The following SP110 variants were observed in gnomAD, a reference collection of about 807,000 sequenced individuals.
SP110 encodes the protein SP110 nuclear body protein.
A neutral mutation model predicts 92.7 loss-of-function variants in SP110; 62 were observed. That is an observed-to-expected ratio of 0.67 (90% CI 0.55 to 0.83). SP110 has a LOEUF of 0.83. Among genes scored for constraint, SP110 ranks in the 40% least tolerant of loss-of-function variants. The pLI is 0.00. For missense variants in SP110, 793 were observed against 863.9 expected (o/e 0.92, Z 1.03); for synonymous variants, 273 against 305.3 (o/e 0.89, Z 1.10).
intron 1 of SP110, chr2:230,225,420 C>A: frequency 3.2e-6 from 1 of 313,630 alleles, no homozygotes. Context: ...CATGGCCAGC[C>A]CTGGAGCCTG....
chr2:230,172,734 T>C, intron 15 of SP110, 110 bp downstream of exon 15: 2 of 717,628 alleles, frequency 2.8e-6, no homozygotes, highest in Non-Finnish European at 2.5e-6. Context: ...CCAGAGTCTC[T>C]GGCACCAGAC....
At chr2:230,186,937 C>T (rs2042389172) in intron 10 of SP110, among the ~76,000 whole-genome samples, 2 of 152,192 alleles carry the variant, frequency 1.3e-5, no homozygotes, top group Admixed American at 1.3e-4. Flanking sequence ...CCTATCTTTA[C>T]AATTGTGAAT....
At chr2:230,217,612 ACTGCACCTGTTTATACTGTT>A (rs2148958494) in intron 1 of SP110, among the ~76,000 whole-genome samples, 1 of 152,332 alleles carries the variant, frequency 6.6e-6, no homozygotes. Flanking sequence ...GGTTCCTATG[ACTGCACCTGTTTATACTGTT>A]GAGGAACTGA....
At chr2:230,210,483 G>A (rs188697183) in intron 6 of SP110, among the ~76,000 whole-genome samples, 7 of 152,288 alleles carry the variant, frequency 4.6e-5, no homozygotes, top group African/African-American at 1.2e-4. Flanking sequence ...TTGCTTTGAC[G>A]TCTATGTGTG....
At chr2:230,194,900 G>A (rs1011333382) in intron 10 of SP110, among the ~76,000 whole-genome samples, 1 of 152,176 alleles carries the variant, frequency 6.6e-6, no homozygotes, top group African/African-American at 2.4e-5. Flanking sequence ...TTGTTGGGGA[G>A]TCTACTGATG....
intron 8 of SP110, among the ~76,000 whole-genome samples, chr2:230,205,272 T>G (rs1028249745): frequency 4.6e-5 from 7 of 152,168 alleles, no homozygotes; most frequent in Admixed American, 1.3e-4. Flanking sequence ...TGTGAAACCC[T>G]ACATAATCTG....
In SP110 at chr2:230,211,513, T is replaced by C. The variant is rs767736533; in HGVS notation, c.708A>G (p.Glu236=). Residue 236 remains glutamate, a synonymous_variant, in exon 6 of 19, where the codon GAA becomes GAG. Transcript: ENST00000258381. This position sits in a 1 kb window ranked among gnomAD's most constrained non-coding sequence, Gnocchi z 4.2. ...GAGAGTGGGGCATCTCTTGAGGGTC[T>C]TCTTTATCTCTTATTTGGGGGATCA... The part of the protein sequence containing the change: ...DNLIPQIRDK[E]DPQEMPHSPL... The C allele has an allele frequency of 6.2e-7, 1 of 1,612,548 alleles. No individual in the cohort carries two copies. The highest frequency in any genetic ancestry group is 1.1e-5 in the South Asian group (1 of 91,052).
At chr2:230,221,689 G>A (rs777143931), upstream of SP110, 2 of 1,535,584 alleles carry the variant, frequency 1.3e-6, no homozygotes, top group South Asian at 2.4e-5. Context: ...TTATGCAAAT[G>A]TCACATGTCA....
intron 10 of SP110, among the ~76,000 whole-genome samples, chr2:230,194,263 C>G (rs1345964681): frequency 6.6e-6 from 1 of 152,008 alleles, no homozygotes; most frequent in East Asian, 1.9e-4. Flanking sequence ...TCCCCACTGA[C>G]CGGCATATCT....
chr2:230,186,106 G>A lies in SP110; in HGVS notation c.1167C>T (p.Leu389=), dbSNP rs1272507572. 6.2e-7 allele frequency: 1 copy of A among 1,614,076 alleles called. No homozygotes were observed. Among genetic ancestry groups the A allele is most frequent in the Non-Finnish European group, 8.5e-7 (1 of 1,179,990 alleles). The part of the protein sequence containing the change: ...ASPGHGIQEK[L]QVVDKVTQRK... The stretch of plus-strand genomic sequence containing the variant: ...TTTGAGTCACCTTATCCACCACTTG[G>A]AGCTTCTCTTGGATGCCATGCCCAG... The change falls in exon 11 of 19, where the codon CTC becomes CTT. Residue 389 remains leucine, a synonymous_variant. Transcript: ENST00000258381.
At chr2:230,177,386 T>G (rs190901005) in intron 14 of SP110, 152 bp downstream of exon 14, 23 of 835,156 alleles carry the variant, frequency 2.8e-5, no homozygotes, top group Admixed American at 1.8e-4. Flanking sequence ...CTCCTAACTT[T>G]GTCACCCACA....
Position 230,211,659 on chromosome 2 carries a change from C to T in SP110, c.668-106G>A. On this transcript the variant is annotated intron_variant, in intron 5 of 18. Coordinates refer to ENST00000258381, the MANE Select transcript of SP110 (RefSeq NM_080424.4). The surrounding 1 kb of genome is among the most constrained non-coding windows in gnomAD (Gnocchi z 4.2). ...CCAACAAGTAAAAATGACGGGGTAA[C>T]AGCAACCAAGGCCTGGGAAAGGATG... The T allele has an allele frequency of 1.3e-6, 1 of 768,432 alleles. No individual in the cohort carries two copies. The highest frequency in any genetic ancestry group is 2.3e-6 in the Non-Finnish European group (1 of 429,816). The allele number at this position is 768,432 out of a possible 1,614,324, so 47.6% of individuals were successfully genotyped here. A position where few individuals can be genotyped will look rare whatever the true frequency, so the allele number is the denominator to read the frequency against.
chr2:230,211,236 C>A lies in SP110; in HGVS notation c.751+234G>T, dbSNP rs1365555819. ...TGTCCATCATCATCCGTGGCCCTAT[C>A]CAAGTCTACCTTTTCCAGACTTGCC... On this transcript the variant is annotated intron_variant, in intron 6 of 18. Transcript: ENST00000258381. This position sits in a 1 kb window ranked among gnomAD's most constrained non-coding sequence, Gnocchi z 4.2. Among the ~76,000 whole-genome samples the A allele has an allele frequency of 4.6e-5, 7 of 152,156 alleles. No individual in the cohort carries two copies. The highest frequency in any genetic ancestry group is 1.0e-4 in the Non-Finnish European group (7 of 68,028).
At chr2:230,188,918 C>T (rs769429389) in intron 10 of SP110, among the ~76,000 whole-genome samples, 8 of 151,932 alleles carry the variant, frequency 5.3e-5, no homozygotes, top group African/African-American at 1.7e-4. Context: ...CTATTTATTC[C>T]CAATTTAATC....
At chr2:230,222,777 G>A (rs2045926852), upstream of SP110, among the ~76,000 whole-genome samples, 1 of 149,666 alleles carries the variant, frequency 6.7e-6, no homozygotes, top group Admixed American at 6.7e-5. Context: ...CCTCCTTAAG[G>A]CCAGCACCAG....
chr2:230,177,231 G>A (rs2041905366), intron 14 of SP110: 2 of 419,462 alleles, frequency 4.8e-6, no homozygotes, highest in South Asian at 2.2e-5. Context: ...GAGGATGCAG[G>A]GGAGTGGTTG....
In SP110 at chr2:230,178,246, T is replaced by C; in HGVS notation, c.1358A>G (p.Lys453Arg). The C allele has an allele frequency of 6.2e-7, 1 of 1,610,046 alleles. No individual in the cohort carries two copies. Among genetic ancestry groups the C allele is most frequent in the South Asian group, 1.1e-5 (1 of 90,846 alleles). Residue 453 changes from lysine (K) to arginine (R), a missense_variant, in exon 13 of 19, where the codon AAA (lysine) becomes AGA (arginine). Physicochemically the swap from Lys to Arg is conservative, Grantham distance 26 (BLOSUM62 2). Coordinates refer to ENST00000258381, the MANE Select transcript of SP110 (RefSeq NM_080424.4). ...ACAGTGAAAATCCACAGTGTCACTTTTGGGTTTTCCTTAAAGTAGAAGAGA... is the reference window on the plus strand; with the variant it reads ...ACAGTGAAAATCCACAGTGTCACTTCTGGGTTTTCCTTAAAGTAGAAGAGA... ...QKNIHRRGKP[K>R]SDTVDFHCSK...
exon 1 of SP110, chr2:230,225,586 C>T: frequency 1.8e-6 from 1 of 553,518 alleles, no homozygotes; most frequent in South Asian, 2.0e-5. Flanking sequence ...ACCCTCTTTC[C>T]TTGGCAGGAA....
intron 1 of SP110, chr2:230,225,473 C>A: frequency 3.0e-6 from 1 of 338,682 alleles, no homozygotes; most frequent in East Asian, 8.4e-5. Context: ...TCCTTCTCAG[C>A]CACCTCAGCA....
Sources: allele counts gnomAD v4.1 joint callset (sites outside exome capture counted in the v4.1 genomes callset), GRCh38; gene constraint gnomAD v4.1.1; non-coding constraint Gnocchi (gnomAD v3.1); transcripts MANE v1.5; gene names NCBI Gene and HGNC (gene_info 2026-07-23, HGNC 2026-07-21).